Variants in CDH12 observed in about 807,000 individuals in gnomAD.
The protein encoded by CDH12 is cadherin-12.
CDH12 carries 41 observed loss-of-function variants against 74.1 expected under a neutral mutation model. That is an observed-to-expected ratio of 0.55 (90% CI 0.43 to 0.72). The LOEUF is 0.72. Ranked by LOEUF, CDH12 falls within the 30% of genes least tolerant of loss-of-function variation. The pLI, the probability that CDH12 is intolerant of heterozygous loss-of-function variation, is 0.00. For synonymous variants in CDH12, 399 were observed against 355.0 expected (o/e 1.12, Z -1.39); for missense variants, 945 against 977.2 (o/e 0.97, Z 0.44).
At chr5:21,880,535 TTTCC>T (rs750768178) in intron 6 of CDH12, among the ~76,000 whole-genome samples, 401 of 31,390 alleles carry the variant, frequency 0.013, 74 homozygotes, top group African/African-American at 0.023. Context: ...TCTTCCTTCT[TTTCC>T]TTCCTTCCTT....
intron 9 of CDH12, 109 bp downstream of exon 9, chr5:21,816,836 C>T: frequency 1.3e-6 from 1 of 742,322 alleles, no homozygotes; most frequent in Non-Finnish European, 2.1e-6. Context: ...AGGGTCAACT[C>T]TATTGCTAAT....
intron 1 of CDH12, among the ~76,000 whole-genome samples, chr5:22,589,016 T>A (rs1279719148): frequency 6.6e-6 from 1 of 152,148 alleles, no homozygotes; most frequent in African/African-American, 2.4e-5. Context: ...TTCATACAAG[T>A]CTTTCATACC....
intron 6 of CDH12, among the ~76,000 whole-genome samples, chr5:21,933,210 A>G (rs936279161): frequency 6.6e-6 from 1 of 152,132 alleles, no homozygotes; most frequent in Non-Finnish European, 1.5e-5. Flanking sequence ...TAATTATTTA[A>G]TTTAATGTCA....
intron 1 of CDH12, among the ~76,000 whole-genome samples, chr5:22,508,227 T>A (rs559582109): frequency 1.3e-5 from 2 of 152,258 alleles, no homozygotes; most frequent in South Asian, 4.1e-4. Flanking sequence ...AAGCTCTGAA[T>A]TTTTTATCTT....
chr5:22,688,695 A>C (rs1741934617), intron 1 of CDH12, among the ~76,000 whole-genome samples: 1 of 152,204 alleles, frequency 6.6e-6, no homozygotes, highest in African/African-American at 2.4e-5. Context: ...CACTGGATGA[A>C]AAAATGTGCC....
intron 5 of CDH12, among the ~76,000 whole-genome samples, chr5:22,026,004 C>T (rs1378210506): frequency 6.7e-6 from 1 of 150,330 alleles, no homozygotes; most frequent in Non-Finnish European, 1.5e-5. Context: ...ACCACTCAGT[C>T]ATCTGTGTGG....
chr5:22,351,323 C>T (rs1740346344), intron 3 of CDH12, among the ~76,000 whole-genome samples: 1 of 152,076 alleles, frequency 6.6e-6, no homozygotes, highest in South Asian at 2.1e-4. Flanking sequence ...ATGCTTTGGG[C>T]AGTGATGCAT....
Position 22,029,538 on chromosome 5 carries a change from A to C in CDH12, c.231+48908T>G, listed in dbSNP as rs1361127162. Among the ~76,000 whole-genome samples, 691 of 151,928 alleles carry C rather than the reference A, an allele frequency of 4.5e-3. 4 individuals are homozygous for C. The highest frequency in any genetic ancestry group is 8.1e-3 in the Non-Finnish European group (549 of 67,778). ...TGCTCATCATCACTGGCCATCAGAG[A>C]AATGCAAATCAAAACCACAATGAGA... On this transcript the variant is annotated intron_variant, in intron 5 of 14. Coordinates refer to ENST00000382254, the MANE Select transcript of CDH12 (RefSeq NM_004061.5).
chr5:21,857,239 A>G (rs1202465171), intron 6 of CDH12, among the ~76,000 whole-genome samples: 1 of 151,874 alleles, frequency 6.6e-6, no homozygotes, highest in Admixed American at 6.6e-5. Flanking sequence ...GCCACAAGGA[A>G]ATAATACAGT....
At chr5:22,097,024 C>T (rs1367706063) in intron 4 of CDH12, among the ~76,000 whole-genome samples, 1 of 152,088 alleles carries the variant, frequency 6.6e-6, no homozygotes, top group East Asian at 1.9e-4. Flanking sequence ...TGAGACAAAC[C>T]CCAGCCACAT....
chr5:21,988,534 A>G (rs1010653453), intron 5 of CDH12, among the ~76,000 whole-genome samples: 2 of 147,424 alleles, frequency 1.4e-5, no homozygotes, highest in African/African-American at 2.5e-5. Context: ...CCTACAGTAG[A>G]TTAGAAATAA....
chr5:22,749,482 T>C (rs1745452911), intron 1 of CDH12, among the ~76,000 whole-genome samples: 2 of 152,200 alleles, frequency 1.3e-5, no homozygotes, highest in East Asian at 3.9e-4. Flanking sequence ...CAGATTTAAA[T>C]GCTACAAGAA....
intron 3 of CDH12, among the ~76,000 whole-genome samples, chr5:22,326,287 T>C (rs1437364235): frequency 6.6e-6 from 1 of 151,822 alleles, no homozygotes; most frequent in East Asian, 2.0e-4. Flanking sequence ...CAGGCTGGAG[T>C]GCAGTGGCGC....
chr5:22,084,666 C>G (rs1352010923), intron 4 of CDH12, among the ~76,000 whole-genome samples: 1 of 152,114 alleles, frequency 6.6e-6, no homozygotes, highest in Non-Finnish European at 1.5e-5. Flanking sequence ...CTTCAGTGAA[C>G]AGATGAACCA....
intron 6 of CDH12, among the ~76,000 whole-genome samples, chr5:21,856,100 G>C (rs1750741859): frequency 6.6e-6 from 1 of 151,612 alleles, no homozygotes; most frequent in Non-Finnish European, 1.5e-5. Context: ...GAAGTCAGGA[G>C]TGAAGACTAA....
intron 3 of CDH12, among the ~76,000 whole-genome samples, chr5:22,395,266 T>C (rs1015537703): frequency 1.3e-5 from 2 of 151,806 alleles, no homozygotes; most frequent in African/African-American, 4.8e-5. Flanking sequence ...GAGATCAGAG[T>C]GATGTGACTG....
intron 5 of CDH12, among the ~76,000 whole-genome samples, chr5:22,071,864 T>A (rs1402647691): frequency 6.6e-6 from 1 of 152,132 alleles, no homozygotes; most frequent in African/African-American, 2.4e-5. Context: ...TCTGTGTCAT[T>A]TTTTATTCTT....
rs373571257 is a variant in CDH12, at chr5:22,387,192, T to C, written c.-333+18065A>G. Among the ~76,000 whole-genome samples the C allele has an allele frequency of 8.5e-5, 13 of 152,140 alleles. No homozygotes were observed. The East Asian group carries it at 1.4e-3, about 16-fold the overall frequency. ...TAAACTCTTTGAACTTCTAACATAC[T>C]ATTATTTTGAGCAAAAATGCCTTTA... is the stretch of plus-strand genomic sequence containing the variant. On this transcript the variant is annotated intron_variant, in intron 3 of 14. Transcript: ENST00000382254.
At chr5:21,777,415 C>T (rs981069641) in intron 11 of CDH12, among the ~76,000 whole-genome samples, 13 of 152,020 alleles carry the variant, frequency 8.6e-5, no homozygotes, top group Middle Eastern at 6.8e-3. Context: ...ATAATAAATA[C>T]GTATTTCACT....
Sources: gnomAD v4.1 joint callset for allele counts (sites outside exome capture counted in the v4.1 genomes callset) on GRCh38, gnomAD v4.1.1 for gene constraint, MANE v1.5 for transcripts, NCBI Gene and HGNC (gene_info 2026-07-23, HGNC 2026-07-21) for gene names.